The following ELMO2 variants were observed in gnomAD, a reference collection of about 807,000 sequenced individuals.
The protein encoded by ELMO2 is engulfment and cell motility 2.
A neutral mutation model predicts 96.2 loss-of-function variants in ELMO2; 37 were observed. The observed-to-expected ratio is 0.38, with a 90% confidence interval of 0.30 to 0.51. The LOEUF is 0.51. Ranked by LOEUF, ELMO2 falls within the 20% of genes least tolerant of loss-of-function variation. ELMO2 has a pLI of 0.88. For synonymous variants in ELMO2, 315 were observed against 329.4 expected (o/e 0.96, Z 0.47); for missense variants, 561 against 912.6 (o/e 0.61, Z 4.96).
At chr20:46,388,857 G>A (rs147749845) in intron 7 of ELMO2, among the ~76,000 whole-genome samples, 182 bp downstream of exon 7, 2 of 152,240 alleles carry the variant, frequency 1.3e-5, no homozygotes, top group Admixed American at 6.5e-5. Flanking sequence ...TAGACTACAC[G>A]ATTTAGAATC....
At chr20:46,372,100 G>A (rs1005401997) in intron 16 of ELMO2, 131 bp from the exon 17 acceptor site, 14 of 1,073,082 alleles carry the variant, frequency 1.3e-5, no homozygotes, top group Non-Finnish European at 1.9e-5. Context: ...TCTGCTGGGT[G>A]AGTAAGGTAT....
intron 20 of ELMO2, chr20:46,370,159 C>A: frequency 1.8e-6 from 1 of 555,598 alleles, no homozygotes. Flanking sequence ...ATACACTATA[C>A]GATGTACACT....
intron 20 of ELMO2, chr20:46,369,272 A>G (rs1244393665): frequency 3.9e-6 from 1 of 257,730 alleles, no homozygotes; most frequent in Non-Finnish European, 7.5e-6. Context: ...AGTTATCCTA[A>G]AAGTTTTTAT....
intron 6 of ELMO2, among the ~76,000 whole-genome samples, chr20:46,392,440 C>T (rs1288826097): frequency 6.6e-6 from 1 of 152,216 alleles, no homozygotes; most frequent in Non-Finnish European, 1.5e-5. Flanking sequence ...TCAAAGGTTC[C>T]TACTACCACC....
At chr20:46,382,131 C>T in intron 10 of ELMO2, 1 of 1,229,048 alleles carries the variant, frequency 8.1e-7, no homozygotes, top group Non-Finnish European at 1.1e-6. Context: ...TAGATCAGAC[C>T]ATGAGATTCT....
rs2145763311 is a variant in ELMO2 at position 46,371,558 on chromosome 20, G to A, written c.1693+21C>T. The A allele has an allele frequency of 6.2e-7, 1 of 1,603,678 alleles. No individual in the cohort carries two copies. The highest frequency in any genetic ancestry group is 1.7e-5 in the Admixed American group (1 of 58,380). Reference sequence around the variant, plus strand: ...CAGGCAGGCTCTTCCCGGCACCAAGGATTGCCCCGTCTCCTCTCACCTTGC... The same window carrying A: ...CAGGCAGGCTCTTCCCGGCACCAAGAATTGCCCCGTCTCCTCTCACCTTGC... On this transcript the variant is annotated intron_variant, in intron 18 of 21. Coordinates refer to ENST00000290246, the MANE Select transcript of ELMO2 (RefSeq NM_133171.5). The surrounding 1 kb of genome is among the most constrained non-coding windows in gnomAD (Gnocchi z 5.9).
At chr20:46,380,408 T>A in intron 10 of ELMO2, 105 bp from the exon 11 acceptor site, 2 of 922,318 alleles carry the variant, frequency 2.2e-6, no homozygotes, top group Non-Finnish European at 3.4e-6. Flanking sequence ...TTTGCTTTCT[T>A]AAATTTTTTT....
Position 46,375,389 on chromosome 20 carries a change from A to C in ELMO2, c.931-19T>G. The C allele has an allele frequency of 6.2e-7, 1 of 1,612,698 alleles. No individual in the cohort carries two copies. The highest frequency in any genetic ancestry group is 2.2e-5 in the East Asian group (1 of 44,844). ...TTTGAGCCTGCGAGGTGAAACAGAC[A>C]GTCAGCAGGTGAATCGGCTAACCAA... On this transcript the variant is annotated intron_variant, in intron 12 of 21. Coordinates refer to ENST00000290246, the MANE Select transcript of ELMO2 (RefSeq NM_133171.5). The surrounding 1 kb of genome is among the most constrained non-coding windows in gnomAD (Gnocchi z 4.6).
intron 10 of ELMO2, among the ~76,000 whole-genome samples, chr20:46,383,159 A>G (rs189091625): frequency 2.6e-5 from 4 of 152,322 alleles, no homozygotes; most frequent in East Asian, 1.9e-4. Context: ...AAAGTCAAAC[A>G]TATTTATTCT....
At chr20:46,397,401 G>A (rs1308093105) in intron 2 of ELMO2, among the ~76,000 whole-genome samples, 1 of 152,176 alleles carries the variant, frequency 6.6e-6, no homozygotes, top group Non-Finnish European at 1.5e-5. Context: ...TGGGCGTGGT[G>A]GCTCATGTCT....
chr20:46,366,615 CCA>C lies in ELMO2; in HGVS notation c.*743_*744del, dbSNP rs1019925379. ...AGAGCAGTAGAATCTAGTGACCTCACCACAGTCTAGGCCCAGGCCTCAGCTGG... is the reference window on the plus strand; with the variant it reads ...AGAGCAGTAGAATCTAGTGACCTCACCAGTCTAGGCCCAGGCCTCAGCTGG... On this transcript the variant is annotated 3_prime_UTR_variant, in exon 22 of 22. Coordinates refer to ENST00000290246, the MANE Select transcript of ELMO2 (RefSeq NM_133171.5). 6.6e-6 allele frequency: 1 copy of C among 152,318 alleles called. No homozygotes were observed. The highest frequency in any genetic ancestry group is 1.5e-5 in the Non-Finnish European group (1 of 68,090). 9.4% of individuals were successfully genotyped at this position (152,318 alleles called of 1,614,324 possible).
In ELMO2 at chr20:46,394,041, C is replaced by T. The variant is rs1176387874; in HGVS notation, c.119+8G>A. 3.1e-6 allele frequency: 5 copies of T among 1,613,930 alleles called. No individual in the cohort carries two copies. The African/African-American group carries it at 6.7e-5, about 22-fold the overall frequency. ...CCACTGTTGAAAACGAGGTCCATTT[C>T]AACCTACCCATCACAAACTTCCTTG... On this transcript the variant is annotated splice_region_variant and intron_variant, in intron 4 of 21. Transcript: ENST00000290246.
At chr20:46,380,350 C>A in intron 10 of ELMO2, 47 bp from the exon 11 acceptor site, 1 of 1,466,004 alleles carries the variant, frequency 6.8e-7, no homozygotes. Context: ...CAGGCACACA[C>A]CTGTGACTAC....
chr20:46,390,271 C>T (rs2060129137), intron 6 of ELMO2, among the ~76,000 whole-genome samples: 1 of 152,194 alleles, frequency 6.6e-6, no homozygotes, highest in Admixed American at 6.5e-5. Context: ...TGGACAACCA[C>T]CTGTCAAAGA....
At chr20:46,393,307 A>C (rs561689206) in intron 5 of ELMO2, among the ~76,000 whole-genome samples, 164 bp from the exon 6 acceptor site, 1 of 152,290 alleles carries the variant, frequency 6.6e-6, no homozygotes, top group African/African-American at 2.4e-5. Context: ...AGAATTTCTA[A>C]GATCCTCCTC....
intron 16 of ELMO2, chr20:46,373,178 A>C: frequency 1.8e-6 from 1 of 562,236 alleles, no homozygotes; most frequent in South Asian, 2.4e-5. Flanking sequence ...TTCAATGGAC[A>C]AATGAGGGCC....
At position 46,374,715 on chromosome 20, in the gene ELMO2, G is replaced by T. The variant is rs541701312; in HGVS notation, c.1066-75C>A. 4.6e-6 allele frequency: 6 copies of T among 1,306,916 alleles called. No individual in the cohort carries two copies. The East Asian group carries it at 1.4e-4, about 31-fold the overall frequency. The allele number at this position is 1,306,916 out of a possible 1,614,324, so 81.0% of individuals were successfully genotyped here. A position where few individuals can be genotyped will look rare whatever the true frequency, so the allele number is the denominator to read the frequency against. ...CAGGGACCTGAGGGGATGCCCTCTC[G>T]CCTCTCCTCTTGATGCTGCTACCAC... On this transcript the variant is annotated intron_variant, in intron 13 of 21. Transcript: ENST00000290246.
chr20:46,389,120 G>A lies in ELMO2; in HGVS notation c.344C>T (p.Thr115Ile), dbSNP rs769563413. 1.2e-6 allele frequency: 2 copies of A among 1,614,186 alleles called. No individual in the cohort carries two copies. Among genetic ancestry groups the A allele is most frequent in the Non-Finnish European group, 1.7e-6 (2 of 1,180,016 alleles). Reference sequence around the variant, plus strand: ...CATGTTGATGAACTCAGTAGCGAAAGTCACGTCGGCAGAGAGCTTGGCCAG... The same window carrying A: ...CATGTTGATGAACTCAGTAGCGAAAATCACGTCGGCAGAGAGCTTGGCCAG... ...KELAKLSADV[T>I]FATEFINMDG... Residue 115 changes from threonine to isoleucine, a missense_variant, in exon 7 of 22, where the codon ACT becomes ATT. Physicochemically the swap from Thr to Ile is moderately conservative, Grantham distance 89. Coordinates refer to ENST00000290246, the MANE Select transcript of ELMO2 (RefSeq NM_133171.5).
intron 11 of ELMO2, among the ~76,000 whole-genome samples, chr20:46,376,044 G>C (rs2059854151): frequency 6.6e-6 from 1 of 152,098 alleles, no homozygotes; most frequent in Admixed American, 6.5e-5. Flanking sequence ...TGAAGGCAGG[G>C]GCTATACCCA....
Sources: allele counts gnomAD v4.1 joint callset (sites outside exome capture counted in the v4.1 genomes callset), GRCh38; gene constraint gnomAD v4.1.1; non-coding constraint Gnocchi (gnomAD v3.1); transcripts MANE v1.5; gene names NCBI Gene and HGNC (gene_info 2026-07-23, HGNC 2026-07-21).